The following SEMA3A variants were observed in gnomAD, a reference collection of about 807,000 sequenced individuals.
SEMA3A encodes the protein semaphorin-3A.
SEMA3A carries 29 observed loss-of-function variants against 97.9 expected under a neutral mutation model. That is an observed-to-expected ratio of 0.30 (90% CI 0.22 to 0.40). The LOEUF (loss-of-function observed/expected upper bound fraction) is 0.40, where lower values mean the gene tolerates loss of function less well. SEMA3A is among the 10% of genes least tolerant of loss of function. The probability of loss-of-function intolerance (pLI) is 1.00; values close to 1 mark genes in which losing one functional copy is unlikely to be tolerated. For missense variants in SEMA3A, 763 were observed against 951.3 expected (o/e 0.80, Z 2.60); for synonymous variants, 321 against 323.7 (o/e 0.99, Z 0.09).
intron 3 of SEMA3A, among the ~76,000 whole-genome samples, chr7:84,240,516 G>A (rs564532844): frequency 1.3e-5 from 2 of 152,288 alleles, no homozygotes; most frequent in Non-Finnish European, 2.9e-5. Flanking sequence ...CTTGAGGAAA[G>A]GGCCACGAGA....
chr7:84,301,359 C>T (rs1226714619), intron 3 of SEMA3A, among the ~76,000 whole-genome samples: 3 of 151,960 alleles, frequency 2.0e-5, no homozygotes, highest in Non-Finnish European at 2.9e-5. Context: ...AATTTGTCTT[C>T]AGAATGCATA....
intron 1 of SEMA3A, among the ~76,000 whole-genome samples, chr7:84,427,649 C>CAA (rs55872394): frequency 0.15 from 10,734 of 72,462 alleles, 1,705 homozygotes; most frequent in East Asian, 0.4. Flanking sequence ...GATTCTGTCT[C>CAA]AAAAAAAAAA....
intron 1 of SEMA3A, among the ~76,000 whole-genome samples, chr7:84,424,325 T>C (rs945807133): frequency 1.4e-5 from 2 of 142,412 alleles, no homozygotes; most frequent in African/African-American, 5.1e-5. Context: ...ACATTCTATA[T>C]AATATGATAT....
chr7:83,974,568 A>T (rs923038105), intron 15 of SEMA3A, among the ~76,000 whole-genome samples: 1 of 152,130 alleles, frequency 6.6e-6, no homozygotes, highest in Non-Finnish European at 1.5e-5. Flanking sequence ...GAGAATTAAT[A>T]TTAGCAAGAC....
At chr7:84,265,429 A>G (rs1347577948) in intron 3 of SEMA3A, among the ~76,000 whole-genome samples, 1 of 147,918 alleles carries the variant, frequency 6.8e-6, no homozygotes, top group Non-Finnish European at 1.5e-5. Flanking sequence ...TGTATGAGAT[A>G]CATATTATAT....
At chr7:84,115,500 G>C (rs186131467) in intron 3 of SEMA3A, among the ~76,000 whole-genome samples, 87 of 152,150 alleles carry the variant, frequency 5.7e-4, no homozygotes, top group African/African-American at 2.1e-3. Context: ...TGACTGCTGT[G>C]ATTTTCTTTT....
At position 84,312,909 on chromosome 7, in the gene SEMA3A, TATATATATATATAC is replaced by T. The variant is rs1286271131; in HGVS notation, c.-168-5631_-168-5618del. The stretch of plus-strand genomic sequence containing the variant: ...ATATATATATATATATATATATATA[TATATATATATATAC>T]ACACACACACACACACACACGTACA... On this transcript the variant is annotated intron_variant, in intron 2 of 3. Transcript: ENST00000424555. Among the ~76,000 whole-genome samples, 399 of 51,658 alleles carry T rather than the reference TATATATATATATAC, an allele frequency of 7.7e-3. 13 individuals are homozygous for T. Among genetic ancestry groups the T allele is most frequent in the African/African-American group, 0.017 (350 of 20,444 alleles). The allele number at this position is 51,658 out of a possible 152,430, so 33.9% of individuals were successfully genotyped here.
intron 1 of SEMA3A, among the ~76,000 whole-genome samples, chr7:84,156,988 G>C (rs1450400067): frequency 2.6e-5 from 4 of 152,092 alleles, no homozygotes; most frequent in African/African-American, 9.7e-5. Context: ...TACATGTATA[G>C]AATTTGTTTT....
chr7:84,116,583 G>C (rs534419062), intron 3 of SEMA3A, among the ~76,000 whole-genome samples: 1 of 152,090 alleles, frequency 6.6e-6, no homozygotes, highest in Non-Finnish European at 1.5e-5. Context: ...TTGGGGATTA[G>C]GGTCTTTAAG....
intron 1 of SEMA3A, among the ~76,000 whole-genome samples, chr7:84,473,414 C>A (rs755806197): frequency 3.4e-5 from 5 of 149,082 alleles, no homozygotes; most frequent in African/African-American, 4.9e-5. Context: ...TTATTATTTG[C>A]GATTGAATCT....
chr7:84,385,287 C>T (rs1353350708), intron 1 of SEMA3A, among the ~76,000 whole-genome samples: 1 of 152,068 alleles, frequency 6.6e-6, no homozygotes, highest in African/African-American at 2.4e-5. Flanking sequence ...AGCCTTGAGT[C>T]CATGGTTGTC....
intron 12 of SEMA3A, among the ~76,000 whole-genome samples, chr7:83,988,512 G>A (rs1291400393): frequency 6.6e-6 from 1 of 152,068 alleles, no homozygotes; most frequent in East Asian, 1.9e-4. Context: ...TAATTACTAT[G>A]TGCTGTAGAA....
intron 4 of SEMA3A, among the ~76,000 whole-genome samples, chr7:84,061,496 A>G (rs1336424633): frequency 6.6e-6 from 1 of 152,196 alleles, no homozygotes; most frequent in Non-Finnish European, 1.5e-5. Flanking sequence ...AATTAATTAG[A>G]TAAGAATATG....
chr7:84,121,102 C>T (rs1795598485), intron 3 of SEMA3A, among the ~76,000 whole-genome samples: 1 of 56,596 alleles, frequency 1.8e-5, no homozygotes, highest in South Asian at 5.2e-4. Context: ...GCCCTTTGCT[C>T]CAGAGGGAGA....
chr7:84,068,638 C>A (rs1236686503), intron 4 of SEMA3A, among the ~76,000 whole-genome samples: 1 of 151,952 alleles, frequency 6.6e-6, no homozygotes, highest in Non-Finnish European at 1.5e-5. Flanking sequence ...CTCAATAAGA[C>A]ATTTTACACT....
At chr7:84,149,570 G>T (rs1796566088) in intron 1 of SEMA3A, among the ~76,000 whole-genome samples, 1 of 152,182 alleles carries the variant, frequency 6.6e-6, no homozygotes, top group East Asian at 1.9e-4. Context: ...TCCTCACAAT[G>T]TCAAACGTCA....
At position 84,445,028 on chromosome 7, in the gene SEMA3A, T is replaced by C. The variant is rs77218440; in HGVS notation, c.-246+47432A>G. On this transcript the variant is annotated intron_variant, in intron 1 of 3. Transcript: ENST00000424555. ...AGAGGCTCTTTTAAAACTGATATCT[T>C]CTTCTGAGTGCCTCAAACTAGATCC... is the stretch of plus-strand genomic sequence containing the variant. 2.8e-3 allele frequency among the ~76,000 whole-genome samples: 427 copies of C among 152,280 alleles called. 2 individuals are homozygous for C. The highest frequency in any genetic ancestry group is 9.6e-3 in the African/African-American group (401 of 41,564).
chr7:84,048,777 T>C (rs1792467991), intron 5 of SEMA3A, among the ~76,000 whole-genome samples: 1 of 152,156 alleles, frequency 6.6e-6, no homozygotes, highest in Non-Finnish European at 1.5e-5. Context: ...TTAGAGTAAA[T>C]AATGTAATTA....
chr7:84,406,320 A>G (rs952617907), intron 1 of SEMA3A, among the ~76,000 whole-genome samples: 7 of 152,208 alleles, frequency 4.6e-5, no homozygotes, highest in African/African-American at 1.7e-4. Flanking sequence ...AAATTCCTTG[A>G]CACATACACC....
Sources: allele counts gnomAD v4.1 joint callset (sites outside exome capture counted in the v4.1 genomes callset), GRCh38; gene constraint gnomAD v4.1.1; transcripts MANE v1.5; gene names NCBI Gene and HGNC (gene_info 2026-07-23, HGNC 2026-07-21).